The following VAT1L variants were observed in gnomAD, a reference collection of about 807,000 sequenced individuals.
The protein encoded by VAT1L is putative NADPH-dependent quinone oxidoreductase VAT1L.
Under a neutral mutation model 44.1 loss-of-function variants are expected in VAT1L, and 34 were observed. The observed-to-expected ratio is 0.77, with a 90% CI of 0.59 to 1.03. VAT1L has a LOEUF of 1.03. Ranked by LOEUF, VAT1L falls within the 50% of genes least tolerant of loss-of-function variation. The pLI is 0.00. For missense variants in VAT1L, 615 were observed against 538.8 expected, an observed-to-expected ratio of 1.14 and a Z score of -1.40; for synonymous variants, 253 against 202.2, an observed-to-expected ratio of 1.25 and a Z score of -2.13.
chr16:77,809,020 T>G (rs142704762), intron 1 of VAT1L, among the ~76,000 whole-genome samples: 166 of 152,274 alleles, frequency 1.1e-3, no homozygotes, highest in African/African-American at 4.0e-3. Context: ...GAGTGGAGAG[T>G]TCTTGTCTTT....
chr16:77,788,984 G>T, intron 1 of VAT1L, 69 bp downstream of exon 1: 3 of 1,422,446 alleles, frequency 2.1e-6, no homozygotes, highest in Non-Finnish European at 2.8e-6. Flanking sequence ...GGGTGGGAAA[G>T]CTGCGGCTGG....
At chr16:77,923,513 G>A (rs1286447932) in intron 7 of VAT1L, among the ~76,000 whole-genome samples, 1 of 152,146 alleles carries the variant, frequency 6.6e-6, no homozygotes, top group East Asian at 1.9e-4. Context: ...CTTGGTCCCT[G>A]GAAAGATTGA....
rs1056912109 is a variant in VAT1L at position 77,979,047 on chromosome 16, A to G, written c.*1352A>G. 1.3e-5 allele frequency: 2 copies of G among 152,328 alleles called. No homozygotes were observed. The highest frequency in any genetic ancestry group is 2.9e-5 in the Non-Finnish European group (2 of 68,038). The allele number at this position is 152,328 out of a possible 1,614,324, so 9.4% of individuals were successfully genotyped here. A position where few individuals can be genotyped will look rare whatever the true frequency, so the allele number is the denominator to read the frequency against. ...CTGAAAAACATCAGAGGGATTTTAC[A>G]TTGCCCAGTTTCTCCACCAACAAGC... On this transcript the variant is annotated 3_prime_UTR_variant, in exon 9 of 9. Transcript: ENST00000302536.
intron 7 of VAT1L, among the ~76,000 whole-genome samples, chr16:77,923,010 C>T (rs541782321): frequency 4.6e-4 from 70 of 152,310 alleles, no homozygotes; most frequent in Admixed American, 3.9e-3. Context: ...TACCTTGCAG[C>T]CTGTTAAAAG....
Position 77,884,406 on chromosome 16 carries a change from G to A in VAT1L, c.883-202G>A, listed in dbSNP as rs1176070975. ...CCACTGCACTCCAGCCTGGGCTACA[G>A]AGTGAGACTCCATCTCAAAAAATAA... On this transcript the variant is annotated intron_variant, in intron 6 of 8. Coordinates refer to ENST00000302536, the MANE Select transcript of VAT1L (RefSeq NM_020927.3). This position sits in a 1 kb window ranked among gnomAD's most constrained non-coding sequence, Gnocchi z 4.5. 1.3e-5 allele frequency among the ~76,000 whole-genome samples: 2 copies of A among 152,046 alleles called. No homozygotes were observed. Among genetic ancestry groups the A allele is most frequent in the Non-Finnish European group, 2.9e-5 (2 of 68,016 alleles).
intron 3 of VAT1L, among the ~76,000 whole-genome samples, chr16:77,861,710 C>T (rs1438644766): frequency 1.3e-5 from 2 of 152,352 alleles, no homozygotes; most frequent in East Asian, 3.9e-4. Context: ...TGGGAGCCCA[C>T]TTGACTGGAA....
At chr16:77,945,462 T>C (rs1056340995) in intron 7 of VAT1L, among the ~76,000 whole-genome samples, 2 of 151,806 alleles carry the variant, frequency 1.3e-5, no homozygotes, top group Admixed American at 6.6e-5. Context: ...AATTTTTATA[T>C]ATATAGTTTT....
At chr16:77,880,238 C>T (rs1176193131) in intron 6 of VAT1L, among the ~76,000 whole-genome samples, 1 of 152,066 alleles carries the variant, frequency 6.6e-6, no homozygotes, top group Non-Finnish European at 1.5e-5. Flanking sequence ...CTCACTGCAA[C>T]CTCCACCTCC....
chr16:77,862,623 T>TAAA (rs34096024), intron 3 of VAT1L, 125 bp from the exon 4 acceptor site: 5,127 of 395,348 alleles, frequency 0.013, 84 homozygotes, highest in African/African-American at 0.051. Context: ...ACTCCATCTC[T>TAAA]AAAAAAAAAA....
rs1369895664 is a variant in VAT1L, at chr16:77,788,735, A to G, written c.53A>G (p.Lys18Arg). The G allele has an allele frequency of 6.4e-7, 1 of 1,559,702 alleles. No individual in the cohort carries two copies. The highest frequency in any genetic ancestry group is 1.2e-5 in the South Asian group (1 of 84,780). Residue 18 changes from lysine to arginine, a missense_variant, in exon 1 of 9, where the codon AAG (lysine) becomes AGG (arginine). Transcript: ENST00000302536. Reference protein sequence around the residue: ...KAEETEQMIEKEAGKEPAEGG... With the variant: ...KAEETEQMIEREAGKEPAEGG... Reference sequence around the variant, plus strand: ...GAGGAGACGGAGCAAATGATCGAGAAGGAGGCAGGCAAGGAGCCGGCGGAG... The same window carrying G: ...GAGGAGACGGAGCAAATGATCGAGAGGGAGGCAGGCAAGGAGCCGGCGGAG...
intron 6 of VAT1L, among the ~76,000 whole-genome samples, chr16:77,882,608 G>C (rs1349509458): frequency 2.0e-5 from 3 of 152,228 alleles, no homozygotes; most frequent in Admixed American, 2.0e-4. Flanking sequence ...AAGTCACACA[G>C]CTAGTAAGTG....
chr16:77,886,431 G>A (rs932051383), intron 7 of VAT1L, among the ~76,000 whole-genome samples: 1 of 152,164 alleles, frequency 6.6e-6, no homozygotes, highest in African/African-American at 2.4e-5. Context: ...CTTGAACTCA[G>A]TGCCCAAAAG....
chr16:77,890,038 G>C (rs686076), intron 7 of VAT1L, among the ~76,000 whole-genome samples: 32,388 of 152,072 alleles, frequency 0.21, 3,549 homozygotes, highest in East Asian at 0.34. Context: ...AGTGTGCCAA[G>C]ATTGTGCCAC....
chr16:77,944,105 C>A lies in VAT1L; in HGVS notation c.1078-27745C>A, dbSNP rs555391047. On this transcript the variant is annotated intron_variant, in intron 7 of 8. Coordinates refer to ENST00000302536, the MANE Select transcript of VAT1L (RefSeq NM_020927.3). ...CCGGAGACATTTTTGATTCTCACAACTGGAAAAGTATGACTGGGATCTAGT... is the reference window on the plus strand; with the variant it reads ...CCGGAGACATTTTTGATTCTCACAAATGGAAAAGTATGACTGGGATCTAGT... 9.9e-5 allele frequency among the ~76,000 whole-genome samples: 15 copies of A among 152,178 alleles called. 1 individual carries two copies. Among genetic ancestry groups the A allele is most frequent in the African/African-American group, 3.6e-4 (15 of 41,516 alleles).
chr16:77,823,063 C>T (rs942101150), intron 2 of VAT1L, among the ~76,000 whole-genome samples: 5 of 151,992 alleles, frequency 3.3e-5, no homozygotes, highest in African/African-American at 1.2e-4. Flanking sequence ...TGTAGCCAAA[C>T]GGACAATCAA....
intron 3 of VAT1L, among the ~76,000 whole-genome samples, chr16:77,837,279 G>T (rs1276368026): frequency 6.6e-6 from 1 of 152,192 alleles, no homozygotes; most frequent in Non-Finnish European, 1.5e-5. Context: ...TTTCTCAAGG[G>T]GTCAGGCAGA....
chr16:77,902,999 A>T (rs1213717136), intron 7 of VAT1L, among the ~76,000 whole-genome samples: 1 of 151,328 alleles, frequency 6.6e-6, no homozygotes, highest in Non-Finnish European at 1.5e-5. Context: ...AAGAAAGAAA[A>T]AAAGTAACAC....
chr16:77,892,752 A>G, intron 7 of VAT1L: 2 of 758,890 alleles, frequency 2.6e-6, no homozygotes, highest in Non-Finnish European at 4.9e-6. Context: ...AATGGTTTCT[A>G]GTTTTTCATC....
At chr16:77,908,934 G>T (rs1282259620) in intron 7 of VAT1L, among the ~76,000 whole-genome samples, 3 of 152,070 alleles carry the variant, frequency 2.0e-5, no homozygotes, top group Admixed American at 1.3e-4. Context: ...TAAAAAGACA[G>T]GAAAAGGAGA....
Sources: allele counts gnomAD v4.1 joint callset (sites outside exome capture counted in the v4.1 genomes callset), GRCh38; gene constraint gnomAD v4.1.1; non-coding constraint Gnocchi (gnomAD v3.1); transcripts MANE v1.5; gene names NCBI Gene and HGNC (gene_info 2026-07-23, HGNC 2026-07-21).